The following SUGCT variants were observed in gnomAD, a reference collection of about 807,000 sequenced individuals.
SUGCT encodes the protein succinyl-CoA:glutarate-CoA transferase, also known as succinyl-CoA:glutarate CoA-transferase.
A neutral mutation model predicts 55.0 loss-of-function variants in SUGCT; 41 were observed. The ratio of observed to expected loss-of-function variants is 0.74; its 90% confidence interval spans 0.58 to 0.97. The LOEUF (loss-of-function observed/expected upper bound fraction) is 0.97. Ranked by LOEUF, SUGCT falls within the 50% of genes least tolerant of loss-of-function variation. The pLI is 0.00. For synonymous variants in SUGCT, 187 were observed against 200.4 expected (o/e 0.93, Z 0.56); for missense variants, 568 against 547.8 (o/e 1.04, Z -0.37).
At chr7:40,541,409 C>G (rs1794671871) in intron 12 of SUGCT, among the ~76,000 whole-genome samples, 1 of 152,190 alleles carries the variant, frequency 6.6e-6, no homozygotes, top group Non-Finnish European at 1.5e-5. Flanking sequence ...TGCAATTCTT[C>G]TCTTTGACAT....
At chr7:40,183,603 T>C (rs1222428758) in intron 3 of SUGCT, among the ~76,000 whole-genome samples, 1 of 152,182 alleles carries the variant, frequency 6.6e-6, no homozygotes, top group Non-Finnish European at 1.5e-5. Context: ...AATGTTGGAA[T>C]TACAGGTGTG....
At chr7:40,277,469 C>T (rs144453461) in intron 8 of SUGCT, among the ~76,000 whole-genome samples, 5 of 151,944 alleles carry the variant, frequency 3.3e-5, no homozygotes, top group Admixed American at 6.6e-5. Context: ...GGATTATAGG[C>T]GTGAGCCACT....
chr7:40,369,590 A>C (rs1784185614), intron 9 of SUGCT, among the ~76,000 whole-genome samples: 1 of 152,200 alleles, frequency 6.6e-6, no homozygotes, highest in Non-Finnish European at 1.5e-5. Flanking sequence ...ATTCTGCTCC[A>C]GCTCTGGCCC....
intron 9 of SUGCT, among the ~76,000 whole-genome samples, chr7:40,357,227 A>G (rs1797920892): frequency 6.6e-6 from 1 of 152,176 alleles, no homozygotes; most frequent in African/African-American, 2.4e-5. Flanking sequence ...TGAGTTGGGA[A>G]TATTTTGATC....
intron 1 of SUGCT, among the ~76,000 whole-genome samples, chr7:40,171,863 C>A (rs2150679286): frequency 6.6e-6 from 1 of 152,326 alleles, no homozygotes; most frequent in African/African-American, 2.4e-5. Context: ...GTTATAGAGT[C>A]ACGGAGAAGA....
intron 12 of SUGCT, among the ~76,000 whole-genome samples, chr7:40,560,750 G>GT (rs1399993809): frequency 1.3e-5 from 2 of 152,218 alleles, no homozygotes; most frequent in Admixed American, 6.5e-5. Context: ...GATGTGCAGT[G>GT]TATCCCCAGT....
At chr7:40,923,934 T>G in the SUGCT span, among the ~76,000 whole-genome samples, 1 of 152,180 alleles carries the variant, frequency 6.6e-6, no homozygotes, top group African/African-American at 2.4e-5. Context: ...CAAATTCATA[T>G]ATTAACAGGC....
chr7:40,567,369 G>C (rs1796208624), intron 12 of SUGCT, among the ~76,000 whole-genome samples: 2 of 152,066 alleles, frequency 1.3e-5, no homozygotes, highest in African/African-American at 4.8e-5. Flanking sequence ...ACCATTTTGT[G>C]GTCTGCAATA....
chr7:40,210,496 A>T (rs925210237), intron 6 of SUGCT, among the ~76,000 whole-genome samples: 4 of 151,978 alleles, frequency 2.6e-5, no homozygotes, highest in Middle Eastern at 6.8e-3. Context: ...ATATATATAT[A>T]TTTTGAGACA....
At chr7:40,774,613 C>G (rs1362996116) in intron 13 of SUGCT, among the ~76,000 whole-genome samples, 1 of 152,010 alleles carries the variant, frequency 6.6e-6, no homozygotes, top group Non-Finnish European at 1.5e-5. Flanking sequence ...GTTATAATTT[C>G]CTAACAGAGT....
chr7:40,948,548 T>G, the SUGCT span, among the ~76,000 whole-genome samples: 1 of 149,038 alleles, frequency 6.7e-6, no homozygotes, highest in East Asian at 2.0e-4. Flanking sequence ...GGTGGTTTGC[T>G]GCATCCATCA....
In SUGCT at chr7:40,238,093, A is replaced by G. The variant is rs189004720; in HGVS notation, c.576+367A>G. On this transcript the variant is annotated intron_variant, in intron 7 of 13. Transcript: ENST00000335693. ...TAGGAATATTCCCTCTTTGAAATAA[A>G]ACAGTTGACTAGACTAGACCACGGA... Among the ~76,000 whole-genome samples, 153 of 152,298 alleles carry G rather than the reference A, an allele frequency of 1.0e-3. 3 individuals are homozygous for G. The highest frequency in any genetic ancestry group is 3.5e-3 in the African/African-American group (144 of 41,574).
intron 8 of SUGCT, among the ~76,000 whole-genome samples, chr7:40,305,116 A>G (rs534576303): frequency 1.1e-4 from 16 of 151,912 alleles, no homozygotes; most frequent in African/African-American, 3.9e-4. Context: ...TTGTTTCCTA[A>G]CTCAGCCTCT....
At chr7:40,233,993 T>C (rs1562597522) in intron 6 of SUGCT, among the ~76,000 whole-genome samples, 2 of 152,344 alleles carry the variant, frequency 1.3e-5, no homozygotes, top group South Asian at 2.1e-4. Context: ...AACTATTCCT[T>C]TTCTCTTTAA....
At chr7:40,857,919 T>C (rs1195096682) in intron 13 of SUGCT, among the ~76,000 whole-genome samples, 1 of 152,194 alleles carries the variant, frequency 6.6e-6, no homozygotes, top group Non-Finnish European at 1.5e-5. Context: ...ATTATTATTA[T>C]TTTTTAATCC....
At chr7:40,591,596 T>C (rs1797723473) in intron 12 of SUGCT, among the ~76,000 whole-genome samples, 1 of 152,212 alleles carries the variant, frequency 6.6e-6, no homozygotes, top group African/African-American at 2.4e-5. Flanking sequence ...GTATCGCATG[T>C]AACAGAGAAA....
chr7:40,627,555 A>G (rs556785652), intron 12 of SUGCT, among the ~76,000 whole-genome samples: 9 of 152,326 alleles, frequency 5.9e-5, no homozygotes, highest in African/African-American at 2.2e-4. Flanking sequence ...CTTGGCCCAC[A>G]ATCAGTCTGA....
At chr7:40,529,876 A>G (rs1226876359) in intron 12 of SUGCT, among the ~76,000 whole-genome samples, 1 of 152,216 alleles carries the variant, frequency 6.6e-6, no homozygotes, top group African/African-American at 2.4e-5. Context: ...CAGCTAAGCT[A>G]TTCATTCTAT....
chr7:40,976,314 G>A, the SUGCT span, among the ~76,000 whole-genome samples: 2 of 152,218 alleles, frequency 1.3e-5, no homozygotes, highest in South Asian at 2.1e-4. Context: ...TACATGGGAG[G>A]TATCCCAGTT....
Sources: gnomAD v4.1 joint callset for allele counts (sites outside exome capture counted in the v4.1 genomes callset) on GRCh38, gnomAD v4.1.1 for gene constraint, MANE v1.5 for transcripts, NCBI Gene and HGNC (gene_info 2026-07-23, HGNC 2026-07-21) for gene names.